The following PTPRG variants were observed in gnomAD, a reference collection of about 807,000 sequenced individuals.
PTPRG encodes protein tyrosine phosphatase receptor type G, also known as receptor-type tyrosine-protein phosphatase gamma.
PTPRG carries 102 observed loss-of-function variants against 165.3 expected under a neutral mutation model. The observed-to-expected ratio is 0.62, with a 90% CI of 0.53 to 0.73. The LOEUF is 0.73. Among genes scored for constraint, PTPRG ranks in the 30% least tolerant of loss-of-function variants. The pLI is 0.00. For synonymous variants in PTPRG, 675 were observed against 669.5 expected, an observed-to-expected ratio of 1.01 and a Z score of -0.13; for missense variants, 1,866 against 1,861.4, an observed-to-expected ratio of 1.00 and a Z score of -0.05.
At chr3:62,243,992 C>T in intron 15 of PTPRG, 94 bp downstream of exon 15, 1 of 727,372 alleles carries the variant, frequency 1.4e-6, no homozygotes, top group South Asian at 2.1e-5. Context: ...ATTTTATAGC[C>T]TTTTAAAGCT....
intron 2 of PTPRG, among the ~76,000 whole-genome samples, chr3:61,815,300 C>T (rs542235659): frequency 6.6e-6 from 1 of 150,918 alleles, no homozygotes; most frequent in African/African-American, 2.4e-5. Context: ...ATCCCAGCTA[C>T]GTGGGAGGCT....
chr3:61,678,979 C>G (rs960181225), intron 1 of PTPRG, among the ~76,000 whole-genome samples: 1 of 151,726 alleles, frequency 6.6e-6, no homozygotes, highest in Non-Finnish European at 1.5e-5. Flanking sequence ...CTTTTTTTCC[C>G]CCCGTTAAGT....
intron 2 of PTPRG, among the ~76,000 whole-genome samples, chr3:61,946,787 CT>C (rs1444125980): frequency 6.6e-6 from 1 of 152,188 alleles, no homozygotes; most frequent in Non-Finnish European, 1.5e-5. Flanking sequence ...TCTCAGAGAC[CT>C]TTTTAAGCAC....
intron 19 of PTPRG, 97 bp from the exon 20 acceptor site, chr3:62,268,938 T>G: frequency 7.6e-7 from 1 of 1,316,002 alleles, no homozygotes; most frequent in South Asian, 2.0e-5. Context: ...TAAATGGCAA[T>G]CTCACCTGTG....
intron 2 of PTPRG, among the ~76,000 whole-genome samples, chr3:61,885,081 A>T (rs1575751779): frequency 6.6e-6 from 1 of 152,128 alleles, no homozygotes; most frequent in African/African-American, 2.4e-5. Flanking sequence ...CATTTATTGC[A>T]CCCTGCCAAT....
At chr3:61,773,292 T>G (rs1442184454) in intron 2 of PTPRG, among the ~76,000 whole-genome samples, 1 of 152,186 alleles carries the variant, frequency 6.6e-6, no homozygotes, top group Non-Finnish European at 1.5e-5. Context: ...AGATGAAATT[T>G]TACCAGGTAG....
intron 2 of PTPRG, among the ~76,000 whole-genome samples, chr3:61,955,236 T>A (rs1270657472): frequency 6.6e-6 from 1 of 152,224 alleles, no homozygotes; most frequent in African/African-American, 2.4e-5. Flanking sequence ...CTTTATTATT[T>A]GTGACCCAAT....
chr3:61,792,610 T>G (rs558425957), intron 2 of PTPRG, among the ~76,000 whole-genome samples: 1 of 152,310 alleles, frequency 6.6e-6, no homozygotes, highest in African/African-American at 2.4e-5. Context: ...ATCTCAGGTG[T>G]GCTATGTCAC....
Position 61,891,516 on chromosome 3 carries a change from T to C in PTPRG, c.191-98109T>C, listed in dbSNP as rs146899015. Among the ~76,000 whole-genome samples, 196 of 152,320 alleles carry C rather than the reference T, an allele frequency of 1.3e-3. 1 individual carries two copies. Among genetic ancestry groups the C allele is most frequent in the African/African-American group, 4.4e-3 (183 of 41,574 alleles). Reference sequence around the variant, plus strand: ...CTACAGATTTAAAAGAATTGTTTCATTCATAGCCATTTTTTGGTGAATCAA... The same window carrying C: ...CTACAGATTTAAAAGAATTGTTTCACTCATAGCCATTTTTTGGTGAATCAA... On this transcript the variant is annotated intron_variant, in intron 2 of 29. Transcript: ENST00000474889.
intron 1 of PTPRG, among the ~76,000 whole-genome samples, chr3:61,738,498 C>G (rs1361403904): frequency 1.3e-5 from 2 of 150,838 alleles, no homozygotes; most frequent in African/African-American, 4.9e-5. Flanking sequence ...AGTTACTAAC[C>G]ATGGTGCTCT....
intron 1 of PTPRG, among the ~76,000 whole-genome samples, chr3:61,736,226 TTTTTAATC>T (rs2032718643): frequency 6.6e-6 from 1 of 151,800 alleles, no homozygotes; most frequent in Non-Finnish European, 1.5e-5. Flanking sequence ...TTTTTTTAAT[TTTTTAATC>T]ATCACTGACA....
intron 4 of PTPRG, among the ~76,000 whole-genome samples, chr3:62,045,291 G>T (rs935095052): frequency 6.6e-6 from 1 of 152,058 alleles, no homozygotes; most frequent in Non-Finnish European, 1.5e-5. Flanking sequence ...ACCAATTAAG[G>T]CTATTTGGTT....
intron 1 of PTPRG, among the ~76,000 whole-genome samples, chr3:61,711,810 G>T (rs1443733898): frequency 6.6e-6 from 1 of 151,726 alleles, no homozygotes; most frequent in African/African-American, 2.4e-5. Context: ...ATTTACATTT[G>T]TCTGTCTCTA....
intron 2 of PTPRG, among the ~76,000 whole-genome samples, chr3:61,817,871 A>T (rs138820869): frequency 6.6e-6 from 1 of 152,312 alleles, no homozygotes; most frequent in African/African-American, 2.4e-5. Flanking sequence ...AATAACCTGA[A>T]TCTGCCTTCT....
intron 2 of PTPRG, among the ~76,000 whole-genome samples, chr3:61,842,366 T>C (rs547688209): frequency 4.6e-5 from 7 of 152,318 alleles, no homozygotes; most frequent in African/African-American, 1.7e-4. Context: ...CTCGCCAGTC[T>C]GGTGAGCAGC....
chr3:61,772,647 A>G (rs1422792551), intron 2 of PTPRG, among the ~76,000 whole-genome samples: 1 of 152,188 alleles, frequency 6.6e-6, no homozygotes, highest in African/African-American at 2.4e-5. Context: ...CATCTGAGTC[A>G]ATACATAAAA....
chr3:62,125,984 A>T (rs1013146969), intron 5 of PTPRG, among the ~76,000 whole-genome samples: 70 of 152,176 alleles, frequency 4.6e-4, no homozygotes, highest in African/African-American at 1.6e-3. Context: ...TTTGCCAGGC[A>T]CCCCAGCCAT....
intron 2 of PTPRG, among the ~76,000 whole-genome samples, chr3:61,935,122 T>G (rs928921565): frequency 6.6e-6 from 1 of 152,018 alleles, no homozygotes; most frequent in African/African-American, 2.4e-5. Flanking sequence ...AGCCCCCATC[T>G]CCGCCTCTCC....
At chr3:61,795,865 T>C (rs1160861957) in intron 2 of PTPRG, among the ~76,000 whole-genome samples, 1 of 152,134 alleles carries the variant, frequency 6.6e-6, no homozygotes, top group Admixed American at 6.6e-5. Context: ...AAAGTTCGTA[T>C]GGCTTTGAGT....
Sources: gnomAD v4.1 joint callset for allele counts (sites outside exome capture counted in the v4.1 genomes callset) on GRCh38, gnomAD v4.1.1 for gene constraint, MANE v1.5 for transcripts, NCBI Gene and HGNC (gene_info 2026-07-23, HGNC 2026-07-21) for gene names.